Variants in UGDH observed in about 807,000 individuals in gnomAD.
UGDH encodes UDP-glucose 6-dehydrogenase.
In UGDH, 38 loss-of-function variants were observed where a neutral mutation model predicts 50.6. The ratio of observed to expected loss-of-function variants is 0.75; its 90% CI spans 0.58 to 0.98. The LOEUF is 0.98. UGDH is among the 50% of genes least tolerant of loss of function. The pLI is 0.00. For missense variants in UGDH, 465 were observed against 606.2 expected, an observed-to-expected ratio of 0.77 and a Z score of 2.45; for synonymous variants, 168 against 199.9, an observed-to-expected ratio of 0.84 and a Z score of 1.35.
At chr4:39,505,861 T>C in intron 7 of UGDH, 113 bp from the exon 8 acceptor site, 1 of 1,118,602 alleles carries the variant, frequency 8.9e-7, no homozygotes, top group African/African-American at 1.6e-5. Flanking sequence ...TGCTTACATA[T>C]TAACAAGAGG....
intron 7 of UGDH, among the ~76,000 whole-genome samples, chr4:39,505,979 C>T (rs11933326): frequency 0.073 from 11,154 of 151,990 alleles, 473 homozygotes; most frequent in Middle Eastern, 0.16. Flanking sequence ...TACCTGTAAT[C>T]CCAGCACTTT....
At chr4:39,500,348 T>C (rs1025086216) in intron 11 of UGDH, 95 bp from the exon 12 acceptor site, 12 of 752,456 alleles carry the variant, frequency 1.6e-5, no homozygotes, top group Admixed American at 3.0e-5. Context: ...AATCTAGATT[T>C]TTTTCTTAGA....
At chr4:39,525,730 C>T (rs1218604868) in intron 1 of UGDH, among the ~76,000 whole-genome samples, 1 of 150,836 alleles carries the variant, frequency 6.6e-6, no homozygotes, top group Non-Finnish European at 1.5e-5. Flanking sequence ...AGGATGGTCT[C>T]GATCTCCTGA....
chr4:39,506,681 G>T (rs926499050), intron 7 of UGDH, among the ~76,000 whole-genome samples: 4 of 152,176 alleles, frequency 2.6e-5, no homozygotes, highest in Non-Finnish European at 5.9e-5. Flanking sequence ...CGAAGCAAAA[G>T]AAACTTTTTT....
At chr4:39,523,955 C>T (rs1254575391) in intron 1 of UGDH, among the ~76,000 whole-genome samples, 3 of 152,166 alleles carry the variant, frequency 2.0e-5, no homozygotes, top group South Asian at 2.1e-4. Context: ...ACAAGCAATC[C>T]GTTTTCTTGT....
chr4:39,510,007 G>A, intron 5 of UGDH, 100 bp from the exon 6 acceptor site: 1 of 1,323,454 alleles, frequency 7.6e-7, no homozygotes. Flanking sequence ...TACTGAGGGA[G>A]ATATATAAGA....
At chr4:39,513,779 C>T (rs559768984) in intron 3 of UGDH, among the ~76,000 whole-genome samples, 2 of 152,136 alleles carry the variant, frequency 1.3e-5, no homozygotes, top group South Asian at 4.1e-4. Context: ...TTGTGATCTG[C>T]CCACCTTGGC....
Position 39,514,234 on chromosome 4 carries a change from G to T in UGDH, c.163-50C>A, listed in dbSNP as rs762155193. ...TGTACATATAGCTTGCCAGTGATAT[G>T]AGATAACCTAATAGTATAGAATTAC... On this transcript the variant is annotated intron_variant, in intron 2 of 11. Transcript: ENST00000316423. The T allele has an allele frequency of 3.0e-6, 4 of 1,324,884 alleles. No homozygotes were observed. The East Asian group carries it at 9.3e-5, about 31-fold the overall frequency. The allele number at this position is 1,324,884 out of a possible 1,614,324, so 82.1% of individuals were successfully genotyped here.
At chr4:39,514,228 T>C in intron 2 of UGDH, 44 bp from the exon 3 acceptor site, 1 of 1,366,430 alleles carries the variant, frequency 7.3e-7, no homozygotes, top group Non-Finnish European at 1.0e-6. Context: ...AGCTTGCCAG[T>C]GATATGAGAT....
intron 1 of UGDH, chr4:39,526,584 ACC>A (rs1243381280): frequency 1.3e-5 from 2 of 158,254 alleles, no homozygotes; most frequent in Non-Finnish European, 2.8e-5. Context: ...CTACCAGCGA[ACC>A]CCTCTTTTCT....
At chr4:39,523,629 A>AC (rs1338992229) in intron 1 of UGDH, among the ~76,000 whole-genome samples, 1 of 150,876 alleles carries the variant, frequency 6.6e-6, no homozygotes, top group African/African-American at 2.4e-5. Context: ...ACATGACAAA[A>AC]CCCCATCTCT....
intron 9 of UGDH, among the ~76,000 whole-genome samples, chr4:39,504,961 T>A (rs1745970772): frequency 6.6e-6 from 1 of 151,888 alleles, no homozygotes. Flanking sequence ...TCAATGGGAG[T>A]GATGGTGGGA....
intron 11 of UGDH, 46 bp downstream of exon 11, chr4:39,503,829 T>C: frequency 1.3e-6 from 2 of 1,563,802 alleles, no homozygotes; most frequent in East Asian, 2.3e-5. Context: ...AATCAAACAC[T>C]AAAGACCAAA....
At chr4:39,501,891 A>G (rs540165366) in intron 11 of UGDH, among the ~76,000 whole-genome samples, 1 of 152,334 alleles carries the variant, frequency 6.6e-6, no homozygotes, top group East Asian at 1.9e-4. Flanking sequence ...TCCCCTCCAC[A>G]GCAGAGATAA....
intron 5 of UGDH, 75 bp from the exon 6 acceptor site, chr4:39,509,982 T>C: frequency 6.8e-7 from 1 of 1,466,816 alleles, no homozygotes. Flanking sequence ...TATATTTCAT[T>C]GCGTTGACGC....
intron 1 of UGDH, among the ~76,000 whole-genome samples, chr4:39,525,386 G>A (rs767871075): frequency 5.9e-5 from 9 of 151,846 alleles, no homozygotes; most frequent in Non-Finnish European, 5.9e-5. Context: ...TAGAGACGGG[G>A]TTTCACCATA....
intron 2 of UGDH, among the ~76,000 whole-genome samples, chr4:39,519,457 A>AAT (rs1746561413): frequency 6.6e-6 from 1 of 152,118 alleles, no homozygotes; most frequent in South Asian, 2.1e-4. Flanking sequence ...CCCTTTTATC[A>AAT]ATATCAGCAT....
intron 11 of UGDH, among the ~76,000 whole-genome samples, chr4:39,502,090 T>G (rs1253411145): frequency 6.6e-6 from 1 of 152,234 alleles, no homozygotes; most frequent in Non-Finnish European, 1.5e-5. Flanking sequence ...TACAATAACT[T>G]AAAATCATTT....
rs1468258276 is a variant in UGDH, at chr4:39,499,947, G to A, written c.*196C>T. The A allele has an allele frequency of 3.6e-5, 14 of 388,206 alleles. No homozygotes were observed. Among genetic ancestry groups the A allele is most frequent in the Middle Eastern group, 7.4e-4 (1 of 1,360 alleles). 24.0% of individuals were successfully genotyped at this position (388,206 alleles called of 1,614,324 possible). ...TGGGAGGCTGAGCCAGGAGAATGGC[G>A]TGAACCTGGGAAGCAGAGCTTGCAG... is the stretch of plus-strand genomic sequence containing the variant. On this transcript the variant is annotated 3_prime_UTR_variant, in exon 12 of 12. Coordinates refer to ENST00000316423, the MANE Select transcript of UGDH (RefSeq NM_003359.4).
Sources: gnomAD v4.1 joint callset for allele counts (sites outside exome capture counted in the v4.1 genomes callset) on GRCh38, gnomAD v4.1.1 for gene constraint, MANE v1.5 for transcripts, NCBI Gene and HGNC (gene_info 2026-07-23, HGNC 2026-07-21) for gene names.